The following ARL15 variants were observed in gnomAD, a reference collection of about 807,000 sequenced individuals.
ARL15 encodes ADP-ribosylation factor-like protein 15.
A neutral mutation model predicts 25.2 loss-of-function variants in ARL15; 19 were observed. The ratio of observed to expected loss-of-function variants is 0.75; its 90% CI spans 0.53 to 1.10. ARL15 has a LOEUF of 1.10. Ranked by LOEUF, ARL15 falls within the 50% of genes least tolerant of loss-of-function variation. ARL15 has a pLI of 0.00. For missense variants in ARL15, 220 were observed against 246.0 expected, an observed-to-expected ratio of 0.89 and a Z score of 0.71; for synonymous variants, 94 against 86.8, an observed-to-expected ratio of 1.08 and a Z score of -0.46.
chr5:53,979,297 C>G (rs1290634351), intron 4 of ARL15, among the ~76,000 whole-genome samples: 1 of 152,096 alleles, frequency 6.6e-6, no homozygotes, highest in Non-Finnish European at 1.5e-5. Flanking sequence ...CTTTGAGAGG[C>G]CAAGGTGAGT....
intron 4 of ARL15, among the ~76,000 whole-genome samples, chr5:54,087,155 T>C (rs1254744094): frequency 6.6e-6 from 1 of 151,984 alleles, no homozygotes; most frequent in East Asian, 1.9e-4. Context: ...GCTAACACAG[T>C]GAAACCCCGT....
chr5:54,056,260 C>CA (rs1302543177), intron 4 of ARL15, among the ~76,000 whole-genome samples: 1 of 151,890 alleles, frequency 6.6e-6, no homozygotes, highest in Non-Finnish European at 1.5e-5. Context: ...GAGTTTAACC[C>CA]AATAGTGGTA....
chr5:54,308,005 C>A (rs1758805348), intron 1 of ARL15: 1 of 152,052 alleles, frequency 6.6e-6, no homozygotes, highest in Admixed American at 6.6e-5. Flanking sequence ...ATACCAGATG[C>A]AAATAAATTG....
At chr5:54,157,393 T>G (rs895753255) in intron 2 of ARL15, among the ~76,000 whole-genome samples, 6 of 152,234 alleles carry the variant, frequency 3.9e-5, no homozygotes, top group Non-Finnish European at 7.4e-5. Context: ...CTAAGCAAAG[T>G]ATCCTAGCAA....
At chr5:54,097,886 C>A (rs62370401) in intron 4 of ARL15, among the ~76,000 whole-genome samples, 1 of 152,110 alleles carries the variant, frequency 6.6e-6, no homozygotes, top group Admixed American at 6.6e-5. Context: ...TGTGCAGGGA[C>A]AAATTTAAGA....
At chr5:54,055,131 T>C (rs60650812) in intron 4 of ARL15, among the ~76,000 whole-genome samples, 2,957 of 152,226 alleles carry the variant, frequency 0.019, 102 homozygotes, top group African/African-American at 0.068. Flanking sequence ...ATCATACTCA[T>C]TGGCAGTCAA....
rs184763765 is a variant in ARL15, at chr5:54,234,217, C to T, written c.49-62289G>A. Among the ~76,000 whole-genome samples, 78 of 152,110 alleles carry T rather than the reference C, an allele frequency of 5.1e-4. No individual in the cohort carries two copies. In the South Asian group the frequency reaches 7.7e-3, roughly 15 times the overall value. ...TCCATGTTGGCCAGGTCTCGAACTC[C>T]TGGCATCAGGTGATCCGCCCGTTTC... On this transcript the variant is annotated intron_variant, in intron 1 of 4. Coordinates refer to ENST00000504924, the MANE Select transcript of ARL15 (RefSeq NM_019087.3).
chr5:54,238,479 G>A (rs1033446221), intron 1 of ARL15, among the ~76,000 whole-genome samples: 7 of 152,174 alleles, frequency 4.6e-5, no homozygotes, highest in African/African-American at 1.7e-4. Context: ...TCAAGTCTGT[G>A]AATTTGAGTC....
At chr5:54,283,812 T>G (rs1409072142) in intron 1 of ARL15, among the ~76,000 whole-genome samples, 2 of 152,190 alleles carry the variant, frequency 1.3e-5, no homozygotes, top group Non-Finnish European at 2.9e-5. Flanking sequence ...TTTCTTGGGG[T>G]TAAGTGTTGT....
chr5:54,142,416 C>T (rs902209973), intron 3 of ARL15, among the ~76,000 whole-genome samples: 10 of 152,080 alleles, frequency 6.6e-5, no homozygotes, highest in African/African-American at 2.4e-4. Flanking sequence ...CTAAGTAATT[C>T]CTATCTCATT....
chr5:54,289,806 A>C (rs73757035), intron 1 of ARL15, among the ~76,000 whole-genome samples: 2,592 of 152,318 alleles, frequency 0.017, 80 homozygotes, highest in African/African-American at 0.06. Flanking sequence ...AAGGAAATAC[A>C]GTAAGCTTCA....
intron 3 of ARL15, among the ~76,000 whole-genome samples, chr5:54,150,117 G>T (rs998202736): frequency 2.6e-5 from 4 of 152,192 alleles, no homozygotes; most frequent in African/African-American, 9.6e-5. Flanking sequence ...CTTGGTTTAT[G>T]CAGGAACAGT....
At chr5:54,047,346 C>A (rs1487055790) in intron 4 of ARL15, among the ~76,000 whole-genome samples, 1 of 152,142 alleles carries the variant, frequency 6.6e-6, no homozygotes, top group African/African-American at 2.4e-5. Flanking sequence ...ACCAACTAAT[C>A]AATAGCTTGG....
At chr5:54,118,129 A>G (rs951656237) in intron 3 of ARL15, among the ~76,000 whole-genome samples, 1 of 152,206 alleles carries the variant, frequency 6.6e-6, no homozygotes. Flanking sequence ...AAGTTCCCTG[A>G]TAAGTTTTCC....
intron 4 of ARL15, among the ~76,000 whole-genome samples, chr5:53,906,584 G>C (rs941783169): frequency 6.6e-6 from 1 of 152,058 alleles, no homozygotes; most frequent in African/African-American, 2.4e-5. Flanking sequence ...TTAAGCAAAG[G>C]ACTTATTCAA....
At chr5:54,303,496 G>A (rs1758664949) in intron 1 of ARL15, among the ~76,000 whole-genome samples, 1 of 152,002 alleles carries the variant, frequency 6.6e-6, no homozygotes, top group Admixed American at 6.6e-5. Flanking sequence ...GGATGACAGA[G>A]TGAGACCCTG....
intron 1 of ARL15, among the ~76,000 whole-genome samples, chr5:54,266,875 C>G (rs1757638090): frequency 6.6e-6 from 1 of 152,190 alleles, no homozygotes; most frequent in African/African-American, 2.4e-5. Context: ...TTCTTGCCAT[C>G]ACATTACTAA....
Position 54,305,635 on chromosome 5 carries a change from C to T in ARL15, c.48+4797G>A, listed in dbSNP as rs1458823977. ...TATATTTTTTCCTATACACACACAC[C>T]TATGATAAAGTTTAATGTGTAAATT... is the stretch of plus-strand genomic sequence containing the variant. On this transcript the variant is annotated intron_variant, in intron 1 of 4. Transcript: ENST00000504924. Among the ~76,000 whole-genome samples, 3 of 152,226 alleles carry T rather than the reference C, an allele frequency of 2.0e-5. No individual in the cohort carries two copies. The South Asian group carries it at 6.2e-4, about 32-fold the overall frequency.
chr5:54,303,163 T>C (rs993024768), intron 1 of ARL15, among the ~76,000 whole-genome samples: 2 of 152,088 alleles, frequency 1.3e-5, no homozygotes, highest in African/African-American at 4.8e-5. Context: ...CTAGTATCTA[T>C]TGGGAACAGC....
Sources: gnomAD v4.1 joint callset for allele counts (sites outside exome capture counted in the v4.1 genomes callset) on GRCh38, gnomAD v4.1.1 for gene constraint, MANE v1.5 for transcripts, NCBI Gene and HGNC (gene_info 2026-07-23, HGNC 2026-07-21) for gene names.